Variants in ABHD6 observed in about 807,000 individuals in gnomAD.
ABHD6 encodes the protein monoacylglycerol lipase ABHD6.
In ABHD6, 33 loss-of-function variants were observed where a neutral mutation model predicts 38.8. The ratio of observed to expected loss-of-function variants is 0.85; its 90% CI spans 0.64 to 1.14. The LOEUF (loss-of-function observed/expected upper bound fraction) is 1.14, where lower values mean the gene tolerates loss of function less well. Ranked by LOEUF, ABHD6 falls within the 50% of genes most tolerant of loss-of-function variation. The probability of loss-of-function intolerance (pLI) is 0.00; values close to 1 mark genes in which losing one functional copy is unlikely to be tolerated. For synonymous variants in ABHD6, 147 were observed against 161.6 expected, an observed-to-expected ratio of 0.91 and a Z score of 0.69; for missense variants, 380 against 422.6, an observed-to-expected ratio of 0.90 and a Z score of 0.88.
rs558091431 is a variant in ABHD6, at chr3:58,283,288, C to G, written c.682-1797C>G. On this transcript the variant is annotated intron_variant, in intron 7 of 9. Coordinates refer to ENST00000478253, the MANE Select transcript of ABHD6 (RefSeq NM_001320126.2). ...TGGCCAAATGATGTTTTAGAAAACT[C>G]CATGTTTTGGGTTGTCAGGGATATG... Among the ~76,000 whole-genome samples the G allele has an allele frequency of 2.0e-5, 3 of 152,168 alleles. No individual in the cohort carries two copies. The East Asian group carries it at 5.8e-4, about 29-fold the overall frequency.
At chr3:58,246,306 G>A (rs2107417885) in intron 1 of ABHD6, among the ~76,000 whole-genome samples, 1 of 152,308 alleles carries the variant, frequency 6.6e-6, no homozygotes, top group East Asian at 1.9e-4. Flanking sequence ...CCTGACAAAA[G>A]AGGCTGATGT....
intron 2 of ABHD6, among the ~76,000 whole-genome samples, chr3:58,250,574 G>T (rs537387413): frequency 1.1e-4 from 17 of 152,096 alleles, no homozygotes; most frequent in Non-Finnish European, 4.4e-5. Flanking sequence ...GGAGGGAGAG[G>T]AAGGGAGGAC....
rs2097435523 is a variant in ABHD6, at chr3:58,259,451, A to G, written c.119+2746A>G. Among the ~76,000 whole-genome samples the G allele has an allele frequency of 1.3e-5, 2 of 152,314 alleles. No homozygotes were observed. The highest frequency in any genetic ancestry group is 3.9e-4 in the East Asian group (2 of 5,176). ...TCCCAGCACTTTGGGAGGCTAAGGC[A>G]GGAGGATCACTTGAGGCCAGGAGTT... On this transcript the variant is annotated intron_variant, in intron 3 of 9. Coordinates refer to ENST00000478253, the MANE Select transcript of ABHD6 (RefSeq NM_001320126.2). This position sits in a 1 kb window ranked among gnomAD's most constrained non-coding sequence, Gnocchi z 4.7.
At position 58,266,200 on chromosome 3, in the gene ABHD6, G is replaced by A. The variant is rs1185601917; in HGVS notation, c.120-989G>A. Among the ~76,000 whole-genome samples, 1 of 152,206 alleles carries A rather than the reference G, an allele frequency of 6.6e-6. No individual in the cohort carries two copies. The highest frequency in any genetic ancestry group is 1.5e-5 in the Non-Finnish European group (1 of 68,042). On this transcript the variant is annotated intron_variant, in intron 3 of 9. Transcript: ENST00000478253. This position sits in a 1 kb window ranked among gnomAD's most constrained non-coding sequence, Gnocchi z 4.0. ...AACCAGCTGGACGTCTGTAACCCAAGCACTTTGGGAGGCCAACGTGGATGG... is the reference window on the plus strand; with the variant it reads ...AACCAGCTGGACGTCTGTAACCCAAACACTTTGGGAGGCCAACGTGGATGG...
rs1412332539 is a variant in ABHD6, at chr3:58,274,759, G to C, written c.625G>C (p.Glu209Gln). The C allele has an allele frequency of 6.2e-7, 1 of 1,614,132 alleles. No individual in the cohort carries two copies. The highest frequency in any genetic ancestry group is 8.5e-7 in the Non-Finnish European group (1 of 1,180,054). ...TCCCTTGATCCCGTCTACCCCAGAA[G>C]AGATGAGTGAAATGCTTCAGCTCTG... is the stretch of plus-strand genomic sequence containing the variant. Reference protein sequence around the residue: ...KIPLIPSTPEEMSEMLQLCSY... With the variant: ...KIPLIPSTPEQMSEMLQLCSY... Residue 209 changes from glutamate to glutamine, a missense_variant, in exon 7 of 10, where the codon GAG becomes CAG. By Grantham distance (29) the Glu-to-Gln change is conservative. Coordinates refer to ENST00000478253, the MANE Select transcript of ABHD6 (RefSeq NM_001320126.2).
rs553589539 is a variant in ABHD6 at position 58,269,159 on chromosome 3, G to A, written c.277-162G>A. Among the ~76,000 whole-genome samples, 167 of 152,296 alleles carry A rather than the reference G, an allele frequency of 1.1e-3. No homozygotes were observed. Among genetic ancestry groups the A allele is most frequent in the African/African-American group, 3.9e-3 (164 of 41,572 alleles). ...GCCTCTGCTCCCGATGAGGCTACTG[G>A]CAATGCTTATTCAATTACTGGGGTA... On this transcript the variant is annotated intron_variant, in intron 4 of 9. Transcript: ENST00000478253. The surrounding 1 kb of genome is among the most constrained non-coding windows in gnomAD (Gnocchi z 4.4).
chr3:58,270,645 G>A (rs764240020), intron 5 of ABHD6, among the ~76,000 whole-genome samples: 1 of 152,082 alleles, frequency 6.6e-6, no homozygotes, highest in Non-Finnish European at 1.5e-5. Flanking sequence ...CTGGGTGACA[G>A]AGTGAGACCC....
In ABHD6 at chr3:58,269,145, C is replaced by T. The variant is rs1407195569; in HGVS notation, c.277-176C>T. On this transcript the variant is annotated intron_variant, in intron 4 of 9. Transcript: ENST00000478253. The surrounding 1 kb of genome is among the most constrained non-coding windows in gnomAD (Gnocchi z 4.4). ...ATTAGCCTTTGTGGGCCTCTGCTCCCGATGAGGCTACTGGCAATGCTTATT... is the reference window on the plus strand; with the variant it reads ...ATTAGCCTTTGTGGGCCTCTGCTCCTGATGAGGCTACTGGCAATGCTTATT... Among the ~76,000 whole-genome samples, 3 of 152,192 alleles carry T rather than the reference C, an allele frequency of 2.0e-5. No homozygotes were observed. Among genetic ancestry groups the T allele is most frequent in the Non-Finnish European group, 2.9e-5 (2 of 68,036 alleles).
Position 58,265,124 on chromosome 3 carries a change from C to A in ABHD6, c.120-2065C>A, listed in dbSNP as rs1434220417. Among the ~76,000 whole-genome samples, 1 of 152,060 alleles carries A rather than the reference C, an allele frequency of 6.6e-6. No individual in the cohort carries two copies. The highest frequency in any genetic ancestry group is 1.9e-4 in the East Asian group (1 of 5,198). ...AGTTGCATTGTTTTGATTTTTAGATCCCATAAATAAGTGAGAGCATGTGAT... is the reference window on the plus strand; with the variant it reads ...AGTTGCATTGTTTTGATTTTTAGATACCATAAATAAGTGAGAGCATGTGAT... On this transcript the variant is annotated intron_variant, in intron 3 of 9. Coordinates refer to ENST00000478253, the MANE Select transcript of ABHD6 (RefSeq NM_001320126.2). This position sits in a 1 kb window ranked among gnomAD's most constrained non-coding sequence, Gnocchi z 4.2.
intron 1 of ABHD6, among the ~76,000 whole-genome samples, chr3:58,243,582 A>G (rs2097424292): frequency 6.6e-6 from 1 of 152,050 alleles, no homozygotes; most frequent in South Asian, 2.1e-4. Context: ...CAGTGCAGGT[A>G]TAGTCATGAG....
rs144050810 is a variant in ABHD6, at chr3:58,257,563, G to A, written c.119+858G>A. ...TTTTTAGTAGAGACAGGCTTTTGCC[G>A]TATTGGCCAAGCTGGTCTCAAACTC... On this transcript the variant is annotated intron_variant, in intron 3 of 9. Transcript: ENST00000478253. The surrounding 1 kb of genome is among the most constrained non-coding windows in gnomAD (Gnocchi z 4.8). 0.01 allele frequency among the ~76,000 whole-genome samples: 1,541 copies of A among 151,590 alleles called. 24 individuals carry two copies. The highest frequency in any genetic ancestry group is 0.035 in the African/African-American group (1,461 of 41,310).
intron 3 of ABHD6, among the ~76,000 whole-genome samples, chr3:58,264,395 A>G (rs796846812): frequency 0.21 from 5,000 of 23,424 alleles, 290 homozygotes; most frequent in East Asian, 0.57. Context: ...ACGCACACAC[A>G]CACACACACA....
At chr3:58,290,481 AC>A (rs1674892415) in intron 9 of ABHD6, among the ~76,000 whole-genome samples, 1 of 78,830 alleles carries the variant, frequency 1.3e-5, no homozygotes, top group Non-Finnish European at 2.4e-5. Flanking sequence ...TGACCCCCCC[AC>A]CTCCCTCCCG....
At chr3:58,281,397 C>T (rs539440697) in intron 7 of ABHD6, among the ~76,000 whole-genome samples, 4 of 152,294 alleles carry the variant, frequency 2.6e-5, no homozygotes, top group East Asian at 3.9e-4. Flanking sequence ...TGGGACCCAC[C>T]GAGCCAGGCA....
chr3:58,254,909 G>A (rs1425579957), intron 2 of ABHD6, among the ~76,000 whole-genome samples: 1 of 151,324 alleles, frequency 6.6e-6, no homozygotes, highest in Non-Finnish European at 1.5e-5. Context: ...ATAGAGATGA[G>A]GTCTTGCCAT....
At position 58,273,812 on chromosome 3, in the gene ABHD6, A is replaced by G. The variant is rs2097446694; in HGVS notation, c.524-846A>G. Among the ~76,000 whole-genome samples the G allele has an allele frequency of 6.6e-6, 1 of 152,216 alleles. No individual in the cohort carries two copies. Among genetic ancestry groups the G allele is most frequent in the Admixed American group, 6.5e-5 (1 of 15,280 alleles). ...ACCTAGATGACGGGTTGATAGGTGCAGCAAACCACCGTGGCACATGTATAC... is the reference window on the plus strand; with the variant it reads ...ACCTAGATGACGGGTTGATAGGTGCGGCAAACCACCGTGGCACATGTATAC... On this transcript the variant is annotated intron_variant, in intron 6 of 9. Transcript: ENST00000478253. The surrounding 1 kb of genome is among the most constrained non-coding windows in gnomAD (Gnocchi z 4.8).
rs181950395 is a variant in ABHD6 at position 58,273,663 on chromosome 3, G to T, written c.524-995G>T. Among the ~76,000 whole-genome samples the T allele has an allele frequency of 1.3e-5, 2 of 152,268 alleles. No homozygotes were observed. The highest frequency in any genetic ancestry group is 1.3e-4 in the Admixed American group (2 of 15,296). ...ACCGCATGTTCTCACTCATAAGTGC[G>T]AGTTGAACAGTGAGAAGACATGGAC... is the stretch of plus-strand genomic sequence containing the variant. On this transcript the variant is annotated intron_variant, in intron 6 of 9. Transcript: ENST00000478253. This position sits in a 1 kb window ranked among gnomAD's most constrained non-coding sequence, Gnocchi z 4.8.
intron 1 of ABHD6, among the ~76,000 whole-genome samples, chr3:58,242,711 G>A (rs908394203): frequency 8.5e-5 from 13 of 152,178 alleles, no homozygotes; most frequent in Non-Finnish European, 1.8e-4. Flanking sequence ...TCCAGCCAGT[G>A]TTCTTTTTAT....
intron 7 of ABHD6, among the ~76,000 whole-genome samples, chr3:58,277,856 T>C (rs936911827): frequency 1.3e-5 from 2 of 152,248 alleles, no homozygotes; most frequent in African/African-American, 4.8e-5. Flanking sequence ...TTTCTGCAAC[T>C]ATTGAGATAA....
Sources: allele counts gnomAD v4.1 joint callset (sites outside exome capture counted in the v4.1 genomes callset), GRCh38; gene constraint gnomAD v4.1.1; non-coding constraint Gnocchi (gnomAD v3.1); transcripts MANE v1.5; gene names NCBI Gene and HGNC (gene_info 2026-07-23, HGNC 2026-07-21).